The following KIF27 variants were observed in gnomAD, a reference collection of about 807,000 sequenced individuals.
The protein encoded by KIF27 is kinesin-like protein KIF27.
KIF27 carries 84 observed loss-of-function variants against 141.8 expected under a neutral mutation model. The ratio of observed to expected loss-of-function variants is 0.59; its 90% CI spans 0.50 to 0.71. KIF27 has a LOEUF of 0.71. Among genes scored for constraint, KIF27 ranks in the 30% least tolerant of loss-of-function variants. The probability of loss-of-function intolerance (pLI) is 0.00; values close to 1 mark genes in which losing one functional copy is unlikely to be tolerated. For missense variants in KIF27, 1,306 were observed against 1,628.4 expected (o/e 0.80, Z 3.41); for synonymous variants, 471 against 569.5 (o/e 0.83, Z 2.46).
chr9:83,848,045 A>ATGATATATAT (rs1446337871), intron 16 of KIF27: 2 of 95,198 alleles, frequency 2.1e-5, no homozygotes, highest in African/African-American at 3.8e-5. Context: ...ATATATATCT[A>ATGATATATAT]CATATATCTA....
intron 3 of KIF27, 97 bp from the exon 4 acceptor site, chr9:83,904,115 C>T (rs1281302777): frequency 2.4e-6 from 2 of 822,838 alleles, no homozygotes; most frequent in South Asian, 4.4e-5. Context: ...CAAGATAGTC[C>T]CTTTTTTAAA....
intron 13 of KIF27, among the ~76,000 whole-genome samples, chr9:83,864,266 A>C (rs571971579): frequency 6.6e-6 from 1 of 152,274 alleles, no homozygotes; most frequent in African/African-American, 2.4e-5. Context: ...TTGTGATGTT[A>C]GGCTGTTAAT....
At chr9:83,893,233 T>C (rs1207139354) in intron 5 of KIF27, among the ~76,000 whole-genome samples, 1 of 152,164 alleles carries the variant, frequency 6.6e-6, no homozygotes, top group African/African-American at 2.4e-5. Context: ...TTGAGGTCTG[T>C]CATAGTGGGA....
chr9:83,874,448 T>C (rs992780789), intron 11 of KIF27, among the ~76,000 whole-genome samples: 3 of 152,042 alleles, frequency 2.0e-5, no homozygotes, highest in African/African-American at 7.2e-5. Flanking sequence ...GAGACAGGAG[T>C]CTCAGAGAGT....
chr9:83,869,249 C>T (rs1463356013), intron 12 of KIF27, among the ~76,000 whole-genome samples: 2 of 151,830 alleles, frequency 1.3e-5, no homozygotes, highest in Non-Finnish European at 2.9e-5. Context: ...GAGATAATTG[C>T]ATTCTAGGTA....
intron 11 of KIF27, among the ~76,000 whole-genome samples, chr9:83,873,440 G>A (rs1274629779): frequency 6.6e-6 from 1 of 152,146 alleles, no homozygotes; most frequent in Non-Finnish European, 1.5e-5. Context: ...TTAGAACAAG[G>A]TTTGAACAGA....
intron 2 of KIF27, among the ~76,000 whole-genome samples, chr9:83,914,975 A>C (rs1955547377): frequency 6.6e-6 from 1 of 152,244 alleles, no homozygotes; most frequent in Non-Finnish European, 1.5e-5. Context: ...TGGCTTGTTA[A>C]AGAATGCAAA....
intron 3 of KIF27, among the ~76,000 whole-genome samples, chr9:83,906,635 C>G (rs535970501): frequency 1.3e-5 from 2 of 149,766 alleles, no homozygotes; most frequent in African/African-American, 2.5e-5. Context: ...CCCAGCTACT[C>G]GGGAGGCTGA....
chr9:83,841,242 G>A (rs916049745), intron 17 of KIF27, among the ~76,000 whole-genome samples: 1 of 152,036 alleles, frequency 6.6e-6, no homozygotes, highest in Non-Finnish European at 1.5e-5. Context: ...GGCTAATTTT[G>A]TATTTTTTAA....
At position 83,848,114 on chromosome 9, in the gene KIF27, C is replaced by CATATATATCATATATA. The variant is rs1564283858; in HGVS notation, c.3556+1984_3556+1985insTATATATGATATATAT. On this transcript the variant is annotated intron_variant, in intron 16 of 17. Coordinates refer to ENST00000297814, the MANE Select transcript of KIF27 (RefSeq NM_017576.4). ...ATATGATATATATGATATCTCATATCTGATATATCTGATATCTCATATATG... is the reference window on the plus strand; with the variant it reads ...ATATGATATATATGATATCTCATATCATATATATCATATATATGATATATCTGATATCTCATATATG... 2.2e-4 allele frequency among the ~76,000 whole-genome samples: 7 copies of CATATATATCATATATA among 31,874 alleles called. 2 individuals are homozygous for CATATATATCATATATA. Among genetic ancestry groups the CATATATATCATATATA allele is most frequent in the Non-Finnish European group, 3.3e-4 (6 of 18,242 alleles). 20.9% of individuals were successfully genotyped at this position (31,874 alleles called of 152,430 possible). A position where few individuals can be genotyped will look rare whatever the true frequency, so the allele number is the denominator to read the frequency against.
At chr9:83,910,584 A>G (rs183473048) in intron 2 of KIF27, among the ~76,000 whole-genome samples, 2 of 152,360 alleles carry the variant, frequency 1.3e-5, no homozygotes, top group East Asian at 3.9e-4. Context: ...GACGTAAGCC[A>G]GAGTTGATGG....
chr9:83,910,258 G>A (rs909557032), intron 2 of KIF27, among the ~76,000 whole-genome samples: 2 of 152,070 alleles, frequency 1.3e-5, no homozygotes, highest in African/African-American at 4.8e-5. Context: ...TTATAAAAAT[G>A]TTGGTGCTTT....
Position 83,870,505 on chromosome 9 carries a change from T to G in KIF27, c.2757+14A>C. 2 of 1,613,466 alleles carry G rather than the reference T, an allele frequency of 1.2e-6. No individual in the cohort carries two copies. Among genetic ancestry groups the G allele is most frequent in the Non-Finnish European group, 1.7e-6 (2 of 1,179,614 alleles). ...TGAAGAGAAACCAGGAAACACTAAA[T>G]AGAATTGACAAACCTGGAGATGGTC... is the stretch of plus-strand genomic sequence containing the variant. On this transcript the variant is annotated intron_variant, in intron 12 of 17. Coordinates refer to ENST00000297814, the MANE Select transcript of KIF27 (RefSeq NM_017576.4).
Position 83,908,536 on chromosome 9 carries a change from A to G in KIF27, c.415T>C (p.Tyr139His). ...AGAAGATCTCTTAGGTCTTCCTTGT[A>G]CACTTCTATATAAGATACTTTTACA... ...FNVKVSYIEV[Y>H]KEDLRDLLEL... The change falls in exon 3 of 18, where the codon TAC becomes CAC. Residue 139 changes from tyrosine (Y) to histidine (H), a missense_variant. Coordinates refer to ENST00000297814, the MANE Select transcript of KIF27 (RefSeq NM_017576.4). 1 of 1,610,378 alleles carries G rather than the reference A, an allele frequency of 6.2e-7. No individual in the cohort carries two copies. Among genetic ancestry groups the G allele is most frequent in the Non-Finnish European group, 8.5e-7 (1 of 1,176,990 alleles).
rs1395654147 is a variant in KIF27 at position 83,884,090 on chromosome 9, A to G, written c.2240-72T>C. 6.3e-6 allele frequency: 7 copies of G among 1,109,106 alleles called. No homozygotes were observed. In the Admixed American group the frequency reaches 1.5e-4, roughly 24 times the overall value. 68.7% of individuals were successfully genotyped at this position (1,109,106 alleles called of 1,614,324 possible). Reference sequence around the variant, plus strand: ...AGTTAAACATCCAAAACATAAAAATACTCTACTCTAAAATCCAGCCAGGCA... The same window carrying G: ...AGTTAAACATCCAAAACATAAAAATGCTCTACTCTAAAATCCAGCCAGGCA... On this transcript the variant is annotated intron_variant, in intron 9 of 17. Coordinates refer to ENST00000297814, the MANE Select transcript of KIF27 (RefSeq NM_017576.4).
chr9:83,870,170 CCTAT>C (rs1252593875), intron 12 of KIF27, among the ~76,000 whole-genome samples: 1 of 135,702 alleles, frequency 7.4e-6, no homozygotes, highest in African/African-American at 2.6e-5. Flanking sequence ...TATCTATCTA[CCTAT>C]CTATTTATTG....
At chr9:83,911,294 C>G (rs191485530) in intron 2 of KIF27, among the ~76,000 whole-genome samples, 2 of 151,900 alleles carry the variant, frequency 1.3e-5, no homozygotes, top group Admixed American at 6.6e-5. Flanking sequence ...GCAGTGGTGC[C>G]ATCTTGGCTC....
Position 83,853,762 on chromosome 9 carries a change from C to T in KIF27, c.3224G>A (p.Ser1075Asn). The change falls in exon 15 of 18, where the codon AGT becomes AAT. Residue 1075 changes from serine to asparagine, a missense_variant. Around this residue, in one of 4 missense-constraint regions of KIF27, gnomAD observed 596 missense variants for 751.6 expected, o/e 0.79. Transcript: ENST00000297814. ...LEAAIEYRNE[S>N]IQNRQKSLRA... ...AAGTGACTTCTGGCGATTCTGGATACTTTCATTCCTGTATTCAATTGCAGC... is the reference window on the plus strand; with the variant it reads ...AAGTGACTTCTGGCGATTCTGGATATTTTCATTCCTGTATTCAATTGCAGC... 2 of 1,613,780 alleles carry T rather than the reference C, an allele frequency of 1.2e-6. No homozygotes were observed. Among genetic ancestry groups the T allele is most frequent in the Non-Finnish European group, 8.5e-7 (1 of 1,179,758 alleles).
At chr9:83,888,783 T>C (rs908729621) in intron 7 of KIF27, among the ~76,000 whole-genome samples, 191 bp from the exon 8 acceptor site, 2 of 151,040 alleles carry the variant, frequency 1.3e-5, no homozygotes, top group East Asian at 1.9e-4. Context: ...AAAGTCATGT[T>C]TGTTGCCAAC....
Sources: allele counts gnomAD v4.1 joint callset (sites outside exome capture counted in the v4.1 genomes callset), GRCh38; gene constraint gnomAD v4.1.1; regional missense constraint gnomAD v4.1.1; transcripts MANE v1.5; gene names NCBI Gene and HGNC (gene_info 2026-07-23, HGNC 2026-07-21).